The following ZNF770 variants were observed in gnomAD, a reference collection of about 807,000 sequenced individuals.
ZNF770 encodes zinc finger protein 770.
In ZNF770, 13 loss-of-function variants were observed where a neutral mutation model predicts 44.8. The observed-to-expected ratio is 0.29, with a 90% confidence interval of 0.19 to 0.46. The LOEUF is 0.46. Among genes scored for constraint, ZNF770 ranks in the 20% least tolerant of loss-of-function variants. The pLI is 1.00. For missense variants in ZNF770, 681 were observed against 797.9 expected (o/e 0.85, Z 1.77); for synonymous variants, 304 against 271.8 (o/e 1.12, Z -1.17).
chr15:34,984,419 G>A (rs528161776), intron 2 of ZNF770, among the ~76,000 whole-genome samples: 1 of 152,240 alleles, frequency 6.6e-6, no homozygotes, highest in East Asian at 1.9e-4. Context: ...CACTTTGGGA[G>A]GCTGAGGCTG....
At position 34,982,339 on chromosome 15, in the gene ZNF770, A is replaced by C. The variant is rs139222643; in HGVS notation, c.1096T>G (p.Leu366Val). 1.9e-6 allele frequency: 3 copies of C among 1,608,458 alleles called. No homozygotes were observed. In the African/African-American group the frequency reaches 4.0e-5, roughly 22 times the overall value. The change falls in exon 3 of 3, where the codon TTG (leucine) becomes GTG (valine). Residue 366 changes from leucine (L) to valine (V), a missense_variant. Leu to Val is a conservative substitution (Grantham distance 32). This residue lies in a region of ZNF770 where 432 missense variants were observed against 434.1 expected (regional missense o/e 1.00). Transcript: ENST00000356321. Reference sequence around the variant, plus strand: ...CCAGAAATAAGATCACAATTTCTCAAGAAACTCTTTTTAAATACTTTTTTC... The same window carrying C: ...CCAGAAATAAGATCACAATTTCTCACGAAACTCTTTTTAAATACTTTTTTC... ...SEKKVFKKSF[L>V]RNCDLISGEQ...
chr15:34,981,977 A>G lies in ZNF770; in HGVS notation c.1458T>C (p.Ser486=), dbSNP rs1369537036. The change falls in exon 3 of 3, where the codon TCT becomes TCC. Residue 486 remains serine, a synonymous_variant. Coordinates refer to ENST00000356321, the MANE Select transcript of ZNF770 (RefSeq NM_014106.4). The part of the protein sequence containing the change: ...PCDKCEKVFP[S]ISKLKRHYLI... ...AATAGTGTCTTTTTAGTTTGGATAT[A>G]GAAGGAAATACCTTCTCACATTTGT... is the stretch of plus-strand genomic sequence containing the variant. 6.2e-7 allele frequency: 1 copy of G among 1,613,942 alleles called. No individual in the cohort carries two copies. Among genetic ancestry groups the G allele is most frequent in the South Asian group, 1.1e-5 (1 of 91,032 alleles).
rs1471115549 is a variant in ZNF770, at chr15:34,978,946, AT to A, written c.*2412del. The A allele has an allele frequency of 4.6e-5, 7 of 152,434 alleles. No individual in the cohort carries two copies. In the East Asian group the frequency reaches 1.2e-3, roughly 25 times the overall value. 9.4% of individuals were successfully genotyped at this position (152,434 alleles called of 1,614,324 possible). On this transcript the variant is annotated 3_prime_UTR_variant, in exon 3 of 3. Coordinates refer to ENST00000356321, the MANE Select transcript of ZNF770 (RefSeq NM_014106.4). ...GCTATTTAAATAACTGTTATACTGT[AT>A]TTTTATTTGTATTATTTTTATTTTT...
chr15:34,988,060 C>G (rs1447411124), intron 1 of ZNF770, 56 bp downstream of exon 1: 1 of 152,302 alleles, frequency 6.6e-6, no homozygotes, highest in East Asian at 1.9e-4. Flanking sequence ...AGTGAGAAAG[C>G]AAAAGGAGCT....
At chr15:34,983,576 T>C (rs949633893) in intron 2 of ZNF770, 86 bp from the exon 3 acceptor site, 11 of 685,232 alleles carry the variant, frequency 1.6e-5, no homozygotes, top group Admixed American at 7.7e-5. Flanking sequence ...GCTGAAGATA[T>C]TAAAGGCAAA....
Position 34,981,564 on chromosome 15 carries a change from A to C in ZNF770, c.1871T>G (p.Leu624Arg), listed in dbSNP as rs1315512949. The part of the protein sequence containing the change: ...SEHQEKNDVF[L>R]YRCSVCAKSF... ...TTTAGCACAAACACTGCATCGGTAC[A>C]GGAAGACATCATTTTTCTCCTGATG... is the stretch of plus-strand genomic sequence containing the variant. The change falls in exon 3 of 3, where the codon CTG becomes CGG. Residue 624 changes from leucine (L) to arginine (R), a missense_variant. By Grantham distance (102) the Leu-to-Arg change is moderately radical. Coordinates refer to ENST00000356321, the MANE Select transcript of ZNF770 (RefSeq NM_014106.4). 1 of 1,614,214 alleles carries C rather than the reference A, an allele frequency of 6.2e-7. No individual in the cohort carries two copies. The highest frequency in any genetic ancestry group is 1.1e-5 in the South Asian group (1 of 91,090).
At position 34,982,639 on chromosome 15, in the gene ZNF770, T is replaced by G; in HGVS notation, c.796A>C (p.Asn266His). The change falls in exon 3 of 3, where the codon AAT becomes CAT. Residue 266 changes from asparagine (N) to histidine (H), a missense_variant. By Grantham distance (68) the Asn-to-His change is moderately conservative (BLOSUM62 1). This residue lies in a region of ZNF770 where 432 missense variants were observed against 434.1 expected (regional missense o/e 1.00). Transcript: ENST00000356321. ...SRPLPNKLNA[N>H]QGGFENGEIG... is the part of the protein sequence containing the mutation. Reference sequence around the variant, plus strand: ...TCACCATTTTCAAAACCACCCTGATTTGCATTTAACTTATTAGGCAGGGGG... The same window carrying G: ...TCACCATTTTCAAAACCACCCTGATGTGCATTTAACTTATTAGGCAGGGGG... 6.2e-7 allele frequency: 1 copy of G among 1,612,990 alleles called. No individual in the cohort carries two copies. The highest frequency in any genetic ancestry group is 1.1e-5 in the South Asian group (1 of 91,034).
intron 2 of ZNF770, among the ~76,000 whole-genome samples, chr15:34,986,127 G>A (rs1223120010): frequency 1.3e-5 from 2 of 152,086 alleles, no homozygotes; most frequent in Non-Finnish European, 2.9e-5. Flanking sequence ...AGGTGAGAAA[G>A]ATAGGGGCCC....
chr15:34,985,265 A>AT (rs952013778), intron 2 of ZNF770, among the ~76,000 whole-genome samples: 28 of 152,068 alleles, frequency 1.8e-4, no homozygotes, highest in African/African-American at 6.0e-4. Context: ...GGAGTCAGAG[A>AT]TTTTTTCAAA....
At position 34,983,010 on chromosome 15, in the gene ZNF770, T is replaced by C. The variant is rs149160090; in HGVS notation, c.425A>G (p.His142Arg). The C allele has an allele frequency of 2.8e-5, 45 of 1,614,034 alleles. No individual in the cohort carries two copies. The highest frequency in any genetic ancestry group is 2.2e-4 in the Admixed American group (13 of 60,014). The change falls in exon 3 of 3, where the codon CAC becomes CGC. Residue 142 changes from histidine to arginine, a missense_variant. His to Arg is a conservative substitution (Grantham distance 29). Coordinates refer to ENST00000356321, the MANE Select transcript of ZNF770 (RefSeq NM_014106.4). ...TFTTEERWAL[H>R]PCSKSDPMYS... ...CATGGGATCAGACTTAGAGCACGGGTGTAATGCCCATCTTTCCTCTGTGGT... is the reference window on the plus strand; with the variant it reads ...CATGGGATCAGACTTAGAGCACGGGCGTAATGCCCATCTTTCCTCTGTGGT...
At chr15:34,986,439 G>A (rs1017830836) in intron 2 of ZNF770, among the ~76,000 whole-genome samples, 4 of 152,160 alleles carry the variant, frequency 2.6e-5, no homozygotes, top group Admixed American at 1.3e-4. Flanking sequence ...TAAACATGCC[G>A]ATACAGAGCA....
Position 34,979,013 on chromosome 15 carries a change from C to G in ZNF770, c.*2346G>C, listed in dbSNP as rs1179833309. The G allele has an allele frequency of 6.6e-6, 1 of 152,426 alleles. No individual in the cohort carries two copies. 9.4% of individuals were successfully genotyped at this position (152,426 alleles called of 1,614,324 possible). A position where few individuals can be genotyped will look rare whatever the true frequency, so the allele number is the denominator to read the frequency against. On this transcript the variant is annotated 3_prime_UTR_variant, in exon 3 of 3. Coordinates refer to ENST00000356321, the MANE Select transcript of ZNF770 (RefSeq NM_014106.4). ...CTGCAATTGGTTTAATCCACAGATG[C>G]AGAGTACATGGATACAGAGGGCCAA...
rs1212961065 is a variant in ZNF770, at chr15:34,981,809, G to C, written c.1626C>G (p.Phe542Leu). 1.2e-6 allele frequency: 2 copies of C among 1,614,020 alleles called. No individual in the cohort carries two copies. Among genetic ancestry groups the C allele is most frequent in the South Asian group, 1.1e-5 (1 of 91,074 alleles). Residue 542 changes from phenylalanine (F) to leucine (L), a missense_variant, in exon 3 of 3, where the codon TTC becomes TTG. Phe to Leu is a conservative substitution (Grantham distance 22). This residue lies in a region of ZNF770 where 148 missense variants were observed against 191.0 expected (regional missense o/e 0.77). Transcript: ENST00000356321. The part of the protein sequence containing the change: ...ASLCQVEFGN[F>L]NNLSNHSGNN... ...TACCTGAATGATTAGAAAGATTGTT[G>C]AAGTTTCCAAATTCTACTTGGCAAA...
chr15:34,979,628 G>GC lies in ZNF770; in HGVS notation c.*1730_*1731insG. The GC allele has an allele frequency of 2.2e-6, 1 of 451,158 alleles. No individual in the cohort carries two copies. The highest frequency in any genetic ancestry group is 4.4e-6 in the Non-Finnish European group (1 of 225,122). The allele number at this position is 451,158 out of a possible 1,614,324, so 27.9% of individuals were successfully genotyped here. On this transcript the variant is annotated 3_prime_UTR_variant, in exon 3 of 3. Transcript: ENST00000356321. ...TACTTAAAAATCACCTGTGGTAAAAGAAGCAAGCAGATCACCCCCACCTAC... is the reference window on the plus strand; with the variant it reads ...TACTTAAAAATCACCTGTGGTAAAAGCAAGCAAGCAGATCACCCCCACCTAC...
chr15:34,982,227 T>G lies in ZNF770; in HGVS notation c.1208A>C (p.Lys403Thr). ...AGAAAATGGCAAAGTCAATGTTTTC[T>G]TCTTTCTATTGCCAATTGTTTTATA... ...GTYKTIGNRKKKTLTLPFSWQ... is the reference protein window; with the variant it reads ...GTYKTIGNRKTKTLTLPFSWQ... Residue 403 changes from lysine to threonine, a missense_variant, in exon 3 of 3, where the codon AAG becomes ACG. By Grantham distance (78) the Lys-to-Thr change is moderately conservative. Transcript: ENST00000356321. 1 of 1,613,600 alleles carries G rather than the reference T, an allele frequency of 6.2e-7. No homozygotes were observed. Among genetic ancestry groups the G allele is most frequent in the Non-Finnish European group, 8.5e-7 (1 of 1,179,890 alleles).
intron 2 of ZNF770, among the ~76,000 whole-genome samples, chr15:34,985,420 C>T (rs2050427653): frequency 1.3e-5 from 2 of 152,102 alleles, no homozygotes; most frequent in African/African-American, 4.8e-5. Flanking sequence ...ATACCTTCAA[C>T]CCCAAATCAC....
rs1397156160 is a variant in ZNF770 at position 34,978,670 on chromosome 15, ATCT to A, written c.*2686_*2688del. 1.3e-5 allele frequency: 2 copies of A among 151,848 alleles called. No individual in the cohort carries two copies. Among genetic ancestry groups the A allele is most frequent in the South Asian group, 2.1e-4 (1 of 4,826 alleles). The allele number at this position is 151,848 out of a possible 1,614,324, so 9.4% of individuals were successfully genotyped here. On this transcript the variant is annotated 3_prime_UTR_variant, in exon 3 of 3. Coordinates refer to ENST00000356321, the MANE Select transcript of ZNF770 (RefSeq NM_014106.4). Reference sequence around the variant, plus strand: ...CAAACCATCTACTATCTAATGTTTAATCTTCTTAACATGTATATTTTCATTCCT... The same window carrying A: ...CAAACCATCTACTATCTAATGTTTAATCTTAACATGTATATTTTCATTCCT...
In ZNF770 at chr15:34,981,344, AG is replaced by A. The variant is rs766292506; in HGVS notation, c.*14del. On this transcript the variant is annotated 3_prime_UTR_variant, in exon 3 of 3. Coordinates refer to ENST00000356321, the MANE Select transcript of ZNF770 (RefSeq NM_014106.4). ...AAGATCACCAGAGACCACAATTGTT[AG>A]TGGTTGCGACAATTTACATAACCGA... The A allele has an allele frequency of 2.0e-5, 32 of 1,591,172 alleles. No individual in the cohort carries two copies. The South Asian group carries it at 3.6e-4, about 18-fold the overall frequency.
Position 34,982,830 on chromosome 15 carries a change from T to C in ZNF770, c.605A>G (p.His202Arg). ...ATGTGTAAGTTGGTGGATTTTTAAG[T>C]GAGTTGACTGTCGAAAAGATTTAGT... ...LCTKSFRQST[H>R]LKIHQLTHSE... Residue 202 changes from histidine to arginine, a missense_variant, in exon 3 of 3, where the codon CAC (histidine) becomes CGC (arginine). His to Arg is a conservative substitution (Grantham distance 29, BLOSUM62 0). Transcript: ENST00000356321. 1 of 1,613,874 alleles carries C rather than the reference T, an allele frequency of 6.2e-7. No individual in the cohort carries two copies. Among genetic ancestry groups the C allele is most frequent in the Non-Finnish European group, 8.5e-7 (1 of 1,179,966 alleles).
Sources: allele counts gnomAD v4.1 joint callset (sites outside exome capture counted in the v4.1 genomes callset), GRCh38; gene constraint gnomAD v4.1.1; regional missense constraint gnomAD v4.1.1; transcripts MANE v1.5; gene names NCBI Gene and HGNC (gene_info 2026-07-23, HGNC 2026-07-21).